Variants in ITPR2 observed in about 807,000 individuals in gnomAD.
ITPR2 encodes the protein inositol 1,4,5-trisphosphate receptor type 2.
A neutral mutation model predicts 317.1 loss-of-function variants in ITPR2; 207 were observed. The observed-to-expected ratio is 0.65, with a 90% CI of 0.58 to 0.73. ITPR2 has a LOEUF of 0.73. Ranked by LOEUF, ITPR2 falls within the 30% of genes least tolerant of loss-of-function variation. The probability of loss-of-function intolerance (pLI) is 0.00; values close to 1 mark genes in which losing one functional copy is unlikely to be tolerated. For synonymous variants in ITPR2, 1,156 were observed against 1,149.1 expected (o/e 1.01, Z -0.12); for missense variants, 2,613 against 3,284.0 (o/e 0.80, Z 4.99).
chr12:26,395,333 T>C (rs1294885844), intron 54 of ITPR2, among the ~76,000 whole-genome samples: 1 of 152,054 alleles, frequency 6.6e-6, no homozygotes, highest in African/African-American at 2.4e-5. Context: ...ATGACAGTTA[T>C]TGTGATGTTT....
At chr12:26,541,637 A>G (rs2136983710) in intron 37 of ITPR2, among the ~76,000 whole-genome samples, 1 of 152,332 alleles carries the variant, frequency 6.6e-6, no homozygotes, top group Non-Finnish European at 1.5e-5. Flanking sequence ...ATATGCATAG[A>G]TGTGAATGAT....
intron 49 of ITPR2, among the ~76,000 whole-genome samples, chr12:26,423,929 A>G (rs1940969137): frequency 6.6e-6 from 1 of 152,204 alleles, no homozygotes; most frequent in Non-Finnish European, 1.5e-5. Flanking sequence ...AATAAAAAAG[A>G]AGCACCATAG....
chr12:26,442,764 G>A (rs1229531218), intron 46 of ITPR2, among the ~76,000 whole-genome samples: 1 of 152,086 alleles, frequency 6.6e-6, no homozygotes, highest in Non-Finnish European at 1.5e-5. Context: ...CAGTGTAGGG[G>A]TTATATATCT....
At chr12:26,680,046 G>A (rs1004334563) in intron 13 of ITPR2, among the ~76,000 whole-genome samples, 2 of 151,992 alleles carry the variant, frequency 1.3e-5, no homozygotes, top group African/African-American at 4.8e-5. Context: ...CTCTCCTACT[G>A]TAAATGAATA....
rs533723709 is a variant in ITPR2 at position 26,711,273 on chromosome 12, A to G, written c.856-5T>C. 6.1e-5 allele frequency: 97 copies of G among 1,600,706 alleles called. No individual in the cohort carries two copies. The highest frequency in any genetic ancestry group is 4.7e-4 in the Admixed American group (28 of 59,992). On this transcript the variant is annotated splice_region_variant and splice_polypyrimidine_tract_variant and intron_variant, in intron 8 of 56. Coordinates refer to ENST00000381340, the MANE Select transcript of ITPR2 (RefSeq NM_002223.4). ...GCATGGGTCATGATGAACCACCTAC[A>G]AAGAGAGCAACGATAGTAATGGCAA...
intron 8 of ITPR2, among the ~76,000 whole-genome samples, chr12:26,713,051 T>C (rs1417793736): frequency 1.3e-5 from 2 of 152,136 alleles, no homozygotes; most frequent in Non-Finnish European, 2.9e-5. Context: ...CAGAGGACAG[T>C]AGAAGAGAGA....
intron 2 of ITPR2, among the ~76,000 whole-genome samples, chr12:26,772,224 C>G (rs1472553796): frequency 6.6e-6 from 1 of 151,358 alleles, no homozygotes; most frequent in Non-Finnish European, 1.5e-5. Context: ...TTGGGCCCAA[C>G]AAGTCTACAT....
At chr12:26,499,785 CT>C (rs1943030574) in intron 37 of ITPR2, among the ~76,000 whole-genome samples, 1 of 152,142 alleles carries the variant, frequency 6.6e-6, no homozygotes, top group Non-Finnish European at 1.5e-5. Context: ...TAAACTGCCC[CT>C]AAATCCTAGC....
At chr12:26,352,239 G>A (rs1938506328) in intron 55 of ITPR2, among the ~76,000 whole-genome samples, 1 of 152,224 alleles carries the variant, frequency 6.6e-6, no homozygotes, top group South Asian at 2.1e-4. Flanking sequence ...TGGAACAACA[G>A]ATGCCAAGAA....
chr12:26,789,586 T>C (rs1175099045), intron 2 of ITPR2, among the ~76,000 whole-genome samples: 1 of 152,240 alleles, frequency 6.6e-6, no homozygotes, highest in South Asian at 2.1e-4. Context: ...TGTGATTCTC[T>C]ATAGATTCCA....
chr12:26,355,306 A>T (rs1373804368), intron 55 of ITPR2, among the ~76,000 whole-genome samples: 1 of 152,258 alleles, frequency 6.6e-6, no homozygotes, highest in East Asian at 1.9e-4. Flanking sequence ...GAGTGCTACT[A>T]ATAATTATGT....
intron 52 of ITPR2, among the ~76,000 whole-genome samples, chr12:26,410,153 A>T (rs942556435): frequency 2.6e-5 from 4 of 152,128 alleles, no homozygotes; most frequent in African/African-American, 9.7e-5. Flanking sequence ...AAGAAATCGG[A>T]GGTGTTTAGA....
At chr12:26,482,862 T>C (rs1942576938) in intron 42 of ITPR2, among the ~76,000 whole-genome samples, 1 of 152,234 alleles carries the variant, frequency 6.6e-6, no homozygotes, top group South Asian at 2.1e-4. Flanking sequence ...TTCACAATTT[T>C]CTATGTCAAT....
chr12:26,556,349 C>T lies in ITPR2; in HGVS notation c.4848G>A (p.Gln1616=). ...LQDVVASLEH[Q]FSPMMQAEFS... Reference sequence around the variant, plus strand: ...ATTCAGCCTGCATCATTGGGCTGAACTGGTGCTCCAAGGAGGCCACTACAT... The same window carrying T: ...ATTCAGCCTGCATCATTGGGCTGAATTGGTGCTCCAAGGAGGCCACTACAT... The change falls in exon 36 of 57, where the codon CAG becomes CAA. Residue 1616 remains glutamine, a synonymous_variant. Coordinates refer to ENST00000381340, the MANE Select transcript of ITPR2 (RefSeq NM_002223.4). 1 of 1,613,818 alleles carries T rather than the reference C, an allele frequency of 6.2e-7. No homozygotes were observed. Among genetic ancestry groups the T allele is most frequent in the Non-Finnish European group, 8.5e-7 (1 of 1,179,872 alleles).
At position 26,413,672 on chromosome 12, in the gene ITPR2, C is replaced by T. The variant is rs1008545977; in HGVS notation, c.7306+1631G>A. Among the ~76,000 whole-genome samples, 3 of 152,106 alleles carry T rather than the reference C, an allele frequency of 2.0e-5. No individual in the cohort carries two copies. The South Asian group carries it at 6.2e-4, about 32-fold the overall frequency. ...TAACTTTGTTAACTGTCCCCATATG[C>T]TGGGTTTTCATAGTATTTATAAAAG... On this transcript the variant is annotated intron_variant, in intron 51 of 56. Coordinates refer to ENST00000381340, the MANE Select transcript of ITPR2 (RefSeq NM_002223.4).
At chr12:26,475,256 T>C (rs752297811) in intron 45 of ITPR2, 40 bp downstream of exon 45, 10 of 1,610,080 alleles carry the variant, frequency 6.2e-6, no homozygotes, top group Admixed American at 3.3e-5. Flanking sequence ...ACACGATTGA[T>C]AGGATGAGCA....
At chr12:26,344,875 T>A (rs1336698264) in intron 55 of ITPR2, among the ~76,000 whole-genome samples, 2 of 152,216 alleles carry the variant, frequency 1.3e-5, no homozygotes, top group Non-Finnish European at 2.9e-5. Flanking sequence ...CACAGTCCTG[T>A]CATCTTTTCT....
At chr12:26,725,832 A>G in intron 2 of ITPR2, 67 bp from the exon 3 acceptor site, 1 of 1,083,410 alleles carries the variant, frequency 9.2e-7, no homozygotes, top group Non-Finnish European at 1.4e-6. Flanking sequence ...TTTCCCTTAT[A>G]GCTCAGCTTT....
In ITPR2 at chr12:26,342,648, T is replaced by G. The variant is rs371302404; in HGVS notation, c.7858-2320A>C. On this transcript the variant is annotated intron_variant, in intron 55 of 56. Coordinates refer to ENST00000381340, the MANE Select transcript of ITPR2 (RefSeq NM_002223.4). Reference sequence around the variant, plus strand: ...TAAGACTGAGTTTCACTCTTGTTGTTGTCCAGGCTGAAGTGCAATGGCACA... The same window carrying G: ...TAAGACTGAGTTTCACTCTTGTTGTGGTCCAGGCTGAAGTGCAATGGCACA... 9.8e-5 allele frequency among the ~76,000 whole-genome samples: 15 copies of G among 152,290 alleles called. No individual in the cohort carries two copies. In the East Asian group the frequency reaches 2.7e-3, roughly 27 times the overall value.
Sources: gnomAD v4.1 joint callset for allele counts (sites outside exome capture counted in the v4.1 genomes callset) on GRCh38, gnomAD v4.1.1 for gene constraint, MANE v1.5 for transcripts, NCBI Gene and HGNC (gene_info 2026-07-23, HGNC 2026-07-21) for gene names.